DOCK7: variants seen among roughly 807,000 people sequenced by gnomAD.
The protein encoded by DOCK7 is dedicator of cytokinesis protein 7.
In DOCK7, 138 loss-of-function variants were observed where a neutral mutation model predicts 271.0. That is an observed-to-expected ratio of 0.51 (90% CI 0.44 to 0.59). The LOEUF is 0.59. DOCK7 is among the 20% of genes least tolerant of loss of function. The probability of loss-of-function intolerance (pLI) is 0.00; values close to 1 mark genes in which losing one functional copy is unlikely to be tolerated. For missense variants in DOCK7, 2,066 were observed against 2,592.4 expected (o/e 0.80, Z 4.41); for synonymous variants, 823 against 876.1 (o/e 0.94, Z 1.07).
rs773208829 is a variant in DOCK7, at chr1:62,648,090, A to C, written c.732+16T>G. The C allele has an allele frequency of 1.2e-6, 2 of 1,604,880 alleles. No individual in the cohort carries two copies. Among genetic ancestry groups the C allele is most frequent in the African/African-American group, 1.3e-5 (1 of 74,792 alleles). Reference sequence around the variant, plus strand: ...TTTTAATAATCATTTGCTTCTTTATATGCAAACATCTATACCTCATCTGGT... The same window carrying C: ...TTTTAATAATCATTTGCTTCTTTATCTGCAAACATCTATACCTCATCTGGT... On this transcript the variant is annotated intron_variant, in intron 6 of 49. Coordinates refer to ENST00000635253, the MANE Select transcript of DOCK7 (RefSeq NM_001367561.1).
At chr1:62,641,240 T>TTCTTCTTTC (rs780537314) in intron 7 of DOCK7, 6 of 407,548 alleles carry the variant, frequency 1.5e-5, no homozygotes, top group Non-Finnish European at 2.9e-5. Context: ...GATCTTAGCT[T>TTCTTCTTTC]TCTTCTTTCT....
intron 1 of DOCK7, among the ~76,000 whole-genome samples, chr1:62,671,479 G>A (rs1659997078): frequency 2.0e-5 from 3 of 152,160 alleles, no homozygotes; most frequent in Non-Finnish European, 4.4e-5. Flanking sequence ...GGGAGAGAGA[G>A]AGAAATGGAG....
Position 62,634,859 on chromosome 1 carries a change from C to T in DOCK7, c.949G>A (p.Val317Ile), listed in dbSNP as rs1386737433. 1.9e-6 allele frequency: 3 copies of T among 1,612,914 alleles called. No individual in the cohort carries two copies. The South Asian group carries it at 3.3e-5, about 18-fold the overall frequency. Reference sequence around the variant, plus strand: ...AGGGTAGTAATGGCAGCAGGTGGTACATGTGGACGTAACAACCCTTTCATC... The same window carrying T: ...AGGGTAGTAATGGCAGCAGGTGGTATATGTGGACGTAACAACCCTTTCATC... ...EQMKGLLRPH[V>I]PPAAITTLAR... The change falls in exon 9 of 50, where the codon GTA becomes ATA. Residue 317 changes from valine (V) to isoleucine (I), a missense_variant. Physicochemically the swap from Val to Ile is conservative, Grantham distance 29 (BLOSUM62 3). This residue lies in a region of DOCK7 where 1,414 missense variants were observed against 1,670.4 expected (regional missense o/e 0.85). Transcript: ENST00000635253.
chr1:62,527,648 T>G (rs1291603250), intron 31 of DOCK7, among the ~76,000 whole-genome samples: 4 of 148,508 alleles, frequency 2.7e-5, no homozygotes, highest in African/African-American at 9.9e-5. Context: ...AAACACCGCA[T>G]GTTCTCACTC....
intron 14 of DOCK7, among the ~76,000 whole-genome samples, chr1:62,615,071 T>G (rs1298196659): frequency 6.6e-6 from 1 of 151,844 alleles, no homozygotes; most frequent in Non-Finnish European, 1.5e-5. Context: ...CATCTCCCAA[T>G]TTTTCATAAG....
chr1:62,517,665 A>G (rs1377235955), intron 31 of DOCK7, among the ~76,000 whole-genome samples: 1 of 152,160 alleles, frequency 6.6e-6, no homozygotes, highest in African/African-American at 2.4e-5. Flanking sequence ...TCAACTTTCC[A>G]TCTCATTACT....
At chr1:62,482,175 AC>A (rs1646146524) in intron 43 of DOCK7, 1 of 152,186 alleles carries the variant, frequency 6.6e-6, no homozygotes, top group Non-Finnish European at 1.5e-5. Context: ...ACACTGGTTA[AC>A]CACTTTACAT....
chr1:62,604,745 A>G, intron 14 of DOCK7: 4 of 1,613,308 alleles, frequency 2.5e-6, no homozygotes, highest in Non-Finnish European at 3.4e-6. Context: ...GGAAGTCTCA[A>G]AATGGAAGGT....
chr1:62,640,826 G>T (rs1163028475), intron 7 of DOCK7, among the ~76,000 whole-genome samples: 2 of 152,206 alleles, frequency 1.3e-5, no homozygotes, highest in Non-Finnish European at 2.9e-5. Flanking sequence ...CAGCTCCCTT[G>T]TGCTACTACT....
intron 9 of DOCK7, 127 bp from the exon 10 acceptor site, chr1:62,633,705 C>T (rs1654905408): frequency 1.6e-6 from 1 of 641,558 alleles, no homozygotes; most frequent in Non-Finnish European, 2.7e-6. Flanking sequence ...ATCTCAATTG[C>T]TGTAGAACAA....
intron 31 of DOCK7, among the ~76,000 whole-genome samples, chr1:62,525,406 A>C (rs1644976956): frequency 6.6e-6 from 1 of 152,158 alleles, no homozygotes. Context: ...GCATGCTAAG[A>C]ACTTCTGGAT....
intron 38 of DOCK7, 36 bp downstream of exon 38, chr1:62,496,303 A>C (rs1264981197): frequency 2.5e-6 from 4 of 1,601,456 alleles, no homozygotes; most frequent in Non-Finnish European, 2.5e-6. Context: ...TAACAAGCCT[A>C]TTTCAATTAA....
At chr1:62,537,305 G>A (rs187977359) in intron 28 of DOCK7, among the ~76,000 whole-genome samples, 167 of 151,846 alleles carry the variant, frequency 1.1e-3, no homozygotes, top group African/African-American at 3.7e-3. Flanking sequence ...GGGCTCGGCC[G>A]GGAGCGGTGG....
chr1:62,628,173 A>G (rs1438531549), intron 11 of DOCK7: 1 of 152,264 alleles, frequency 6.6e-6, no homozygotes, highest in Non-Finnish European at 1.5e-5. Context: ...TGCAGCTCAC[A>G]ATAGGGTTCA....
chr1:62,631,641 T>C (rs1178436319), intron 10 of DOCK7, among the ~76,000 whole-genome samples: 1 of 152,206 alleles, frequency 6.6e-6, no homozygotes, highest in African/African-American at 2.4e-5. Context: ...TTTGTGATTA[T>C]GTTATTCTGG....
At position 62,647,853 on chromosome 1, in the gene DOCK7, ACTAAT is replaced by A. The variant is rs1329827517; in HGVS notation, c.733-82_733-78del. On this transcript the variant is annotated intron_variant, in intron 6 of 49. Coordinates refer to ENST00000635253, the MANE Select transcript of DOCK7 (RefSeq NM_001367561.1). ...CTTTATCTTTTTCAGAACTTACTTTACTAATCTAACACTTTTAGTCTTCACAATAG... is the reference window on the plus strand; with the variant it reads ...CTTTATCTTTTTCAGAACTTACTTTACTAACACTTTTAGTCTTCACAATAG... 2.8e-6 allele frequency: 3 copies of A among 1,076,312 alleles called. No individual in the cohort carries two copies. In the African/African-American group the frequency reaches 4.8e-5, roughly 17 times the overall value. The allele number at this position is 1,076,312 out of a possible 1,614,324, so 66.7% of individuals were successfully genotyped here.
In DOCK7 at chr1:62,688,298, T is replaced by TGCG; in HGVS notation, c.-37_-35dup. 3.3e-6 allele frequency: 4 copies of TGCG among 1,224,538 alleles called. No individual in the cohort carries two copies. The highest frequency in any genetic ancestry group is 3.1e-6 in the Non-Finnish European group (3 of 977,426). The allele number at this position is 1,224,538 out of a possible 1,614,324, so 75.9% of individuals were successfully genotyped here. On this transcript the variant is annotated 5_prime_UTR_variant, in exon 1 of 50. Transcript: ENST00000635253. ...CGGCGACGGCGACGGCGGCGGCGGC[T>TGCG]GCGGCGGGCCGGGTGCGGACCGGCG...
intron 48 of DOCK7, among the ~76,000 whole-genome samples, chr1:62,471,776 C>T (rs564427616): frequency 1.2e-3 from 181 of 152,042 alleles, no homozygotes; most frequent in African/African-American, 4.2e-3. Flanking sequence ...ACTTAAATTC[C>T]AGTATATTAA....
rs149099924 is a variant in DOCK7 at position 62,662,864 on chromosome 1, C to A, written c.144+161G>T. 1.3e-3 allele frequency among the ~76,000 whole-genome samples: 205 copies of A among 151,932 alleles called. 2 individuals carry two copies. The highest frequency in any genetic ancestry group is 4.6e-3 in the African/African-American group (190 of 41,410). On this transcript the variant is annotated intron_variant, in intron 2 of 49. Coordinates refer to ENST00000635253, the MANE Select transcript of DOCK7 (RefSeq NM_001367561.1). ...TAGGAAACTAGCAATTCTATAACAC[C>A]CCCAACATCCTCTCCCAACTCAGAT...
Sources: allele counts gnomAD v4.1 joint callset (sites outside exome capture counted in the v4.1 genomes callset), GRCh38; gene constraint gnomAD v4.1.1; regional missense constraint gnomAD v4.1.1; transcripts MANE v1.5; gene names NCBI Gene and HGNC (gene_info 2026-07-23, HGNC 2026-07-21).